Variants in UNC13C observed in about 807,000 individuals in gnomAD.
The protein encoded by UNC13C is protein unc-13 homolog C.
In UNC13C, 174 loss-of-function variants were observed where a neutral mutation model predicts 245.4. The ratio of observed to expected loss-of-function variants is 0.71; its 90% CI spans 0.63 to 0.80. The LOEUF (loss-of-function observed/expected upper bound fraction) is 0.80, where lower values mean the gene tolerates loss of function less well. Among genes scored for constraint, UNC13C ranks in the 30% least tolerant of loss-of-function variants. The pLI is 0.00. For missense variants in UNC13C, 2,829 were observed against 2,602.9 expected, an observed-to-expected ratio of 1.09 and a Z score of -1.89; for synonymous variants, 992 against 895.1, an observed-to-expected ratio of 1.11 and a Z score of -1.93.
At chr15:53,989,175 G>T (rs992691506) in intron 1 of UNC13C, among the ~76,000 whole-genome samples, 1 of 151,882 alleles carries the variant, frequency 6.6e-6, no homozygotes, top group African/African-American at 2.4e-5. Context: ...TTTTGAATTT[G>T]TTAAATAGAT....
intron 1 of UNC13C, among the ~76,000 whole-genome samples, chr15:53,981,101 A>G (rs998186444): frequency 6.6e-6 from 1 of 152,136 alleles, no homozygotes; most frequent in Non-Finnish European, 1.5e-5. Flanking sequence ...TTGTAATATC[A>G]GACACTTTTG....
Position 54,395,508 on chromosome 15 carries a change from T to A in UNC13C, c.4847+2327T>A, listed in dbSNP as rs376218477. ...AGAAGTCTGCAATATTAATAAACGA[T>A]CCCTGTTATTGTGTCTTATGGTCAC... On this transcript the variant is annotated intron_variant, in intron 18 of 32. Transcript: ENST00000260323. Among the ~76,000 whole-genome samples, 9 of 151,852 alleles carry A rather than the reference T, an allele frequency of 5.9e-5. No individual in the cohort carries two copies. The East Asian group carries it at 1.3e-3, about 23-fold the overall frequency.
chr15:54,488,468 A>T (rs1893539247), intron 19 of UNC13C, among the ~76,000 whole-genome samples: 1 of 152,202 alleles, frequency 6.6e-6, no homozygotes, highest in South Asian at 2.1e-4. Flanking sequence ...ATGCAATAAA[A>T]TGATGTCACA....
intron 1 of UNC13C, among the ~76,000 whole-genome samples, chr15:54,000,633 C>G (rs1278497586): frequency 6.6e-6 from 1 of 152,130 alleles, no homozygotes; most frequent in Non-Finnish European, 1.5e-5. Flanking sequence ...CCACTAATTA[C>G]TAAACCCAGT....
intron 30 of UNC13C, among the ~76,000 whole-genome samples, chr15:54,580,453 C>T (rs1274178339): frequency 1.3e-5 from 2 of 152,262 alleles, no homozygotes; most frequent in African/African-American, 4.8e-5. Flanking sequence ...GGAAGAAAGG[C>T]AAGAAATGCG....
chr15:54,339,783 T>C (rs1294676762), intron 17 of UNC13C, among the ~76,000 whole-genome samples: 2 of 152,316 alleles, frequency 1.3e-5, no homozygotes, highest in East Asian at 3.9e-4. Context: ...TGCATGGACT[T>C]CTTTTCCTCT....
chr15:54,245,572 C>A (rs956085840), intron 7 of UNC13C, among the ~76,000 whole-genome samples: 2 of 152,060 alleles, frequency 1.3e-5, no homozygotes, highest in Non-Finnish European at 2.9e-5. Flanking sequence ...CTTAGATGAG[C>A]AAATCAGCAC....
At position 54,013,356 on chromosome 15, in the gene UNC13C, A is replaced by G; in HGVS notation, c.453A>G (p.Arg151=). 6.2e-7 allele frequency: 1 copy of G among 1,613,864 alleles called. No individual in the cohort carries two copies. Among genetic ancestry groups the G allele is most frequent in the African/African-American group, 1.3e-5 (1 of 75,038 alleles). Residue 151 remains arginine (R), a synonymous_variant, in exon 2 of 33, where the codon AGA becomes AGG. Coordinates refer to ENST00000260323, the MANE Select transcript of UNC13C (RefSeq NM_001080534.3). ...QAQSTHTMPV[R]RNRKSSSSLA... ...AATCAACACACACAATGCCAGTTAG[A>G]CGCAACAGAAAGAGTTCAAGCAGCC...
At chr15:54,468,170 G>T (rs973576914) in intron 19 of UNC13C, among the ~76,000 whole-genome samples, 1 of 151,498 alleles carries the variant, frequency 6.6e-6, no homozygotes, top group Admixed American at 6.6e-5. Context: ...TAGTTGTGAG[G>T]TGATATCTCA....
intron 18 of UNC13C, among the ~76,000 whole-genome samples, chr15:54,406,222 C>T (rs546368405): frequency 2.7e-4 from 41 of 152,134 alleles, no homozygotes; most frequent in Non-Finnish European, 5.0e-4. Context: ...ATAGAAGCCC[C>T]CAGAAAAGTA....
the UNC13C span, among the ~76,000 whole-genome samples, chr15:53,927,400 G>A: frequency 6.6e-6 from 1 of 152,196 alleles, no homozygotes; most frequent in Admixed American, 6.5e-5. Flanking sequence ...TGATGCATCA[G>A]TGAGGTAAGA....
chr15:54,546,653 C>T (rs1010703382), intron 26 of UNC13C, 69 bp from the exon 27 acceptor site: 35 of 936,482 alleles, frequency 3.7e-5, no homozygotes, highest in Non-Finnish European at 4.2e-5. Flanking sequence ...ATTTGAAAAT[C>T]GTAAAGGCCT....
intron 17 of UNC13C, among the ~76,000 whole-genome samples, chr15:54,338,945 C>T (rs1287909049): frequency 6.6e-6 from 1 of 152,216 alleles, no homozygotes; most frequent in African/African-American, 2.4e-5. Flanking sequence ...CGGCTCACTG[C>T]AACCTCTGCC....
chr15:54,379,500 AC>A (rs2039675517), intron 17 of UNC13C, among the ~76,000 whole-genome samples: 1 of 152,048 alleles, frequency 6.6e-6, no homozygotes, highest in South Asian at 2.1e-4. Flanking sequence ...CCTTTATTAT[AC>A]CTTTTTTAAT....
chr15:54,442,526 GTTC>G (rs1890586968), intron 19 of UNC13C, among the ~76,000 whole-genome samples: 1 of 151,896 alleles, frequency 6.6e-6, no homozygotes, highest in Admixed American at 6.6e-5. Context: ...CTCAGCCCCA[GTTC>G]TTAGAGGAAA....
chr15:54,567,309 C>T (rs965267654), intron 29 of UNC13C, among the ~76,000 whole-genome samples: 2 of 152,142 alleles, frequency 1.3e-5, no homozygotes, highest in Non-Finnish European at 1.5e-5. Context: ...CCTATATCTG[C>T]ACCACTGTGT....
At chr15:53,876,511 G>T in the UNC13C span, among the ~76,000 whole-genome samples, 1 of 152,140 alleles carries the variant, frequency 6.6e-6, no homozygotes, top group African/African-American at 2.4e-5. Flanking sequence ...TGTTACAGAC[G>T]TGGATCAGTT....
At chr15:54,190,974 G>A (rs778317326) in intron 4 of UNC13C, among the ~76,000 whole-genome samples, 15 of 151,942 alleles carry the variant, frequency 9.9e-5, no homozygotes, top group Admixed American at 3.3e-4. Flanking sequence ...TGCACTTTCC[G>A]TAATAAGCAA....
chr15:53,996,535 A>C (rs1332434613), intron 1 of UNC13C, among the ~76,000 whole-genome samples: 1 of 152,196 alleles, frequency 6.6e-6, no homozygotes, highest in Admixed American at 6.5e-5. Flanking sequence ...GCTTACAATT[A>C]AAAGAATTTT....
Sources: allele counts gnomAD v4.1 joint callset (sites outside exome capture counted in the v4.1 genomes callset), GRCh38; gene constraint gnomAD v4.1.1; transcripts MANE v1.5; gene names NCBI Gene and HGNC (gene_info 2026-07-23, HGNC 2026-07-21).